Variants in MBNL2 observed in about 807,000 individuals in gnomAD.
The protein encoded by MBNL2 is muscleblind like splicing regulator 2, also known as muscleblind-like protein 2.
In MBNL2, 17 loss-of-function variants were observed where a neutral mutation model predicts 41.9. The ratio of observed to expected loss-of-function variants is 0.41; its 90% CI spans 0.28 to 0.61. The LOEUF is 0.61. MBNL2 is among the 20% of genes least tolerant of loss of function. MBNL2 has a pLI of 0.35. For synonymous variants in MBNL2, 195 were observed against 182.9 expected (o/e 1.07, Z -0.53); for missense variants, 336 against 505.6 (o/e 0.66, Z 3.22).
At chr13:97,221,217 TG>T (rs1398873970), upstream of MBNL2, among the ~76,000 whole-genome samples, 1 of 152,206 alleles carries the variant, frequency 6.6e-6, no homozygotes, top group Non-Finnish European at 1.5e-5. Flanking sequence ...ATAAAGGCTT[TG>T]TTCTGTCTTG....
chr13:97,276,351 C>T lies in MBNL2; in HGVS notation c.116C>T (p.Pro39Leu). 1 of 1,614,002 alleles carries T rather than the reference C, an allele frequency of 6.2e-7. No homozygotes were observed. Among genetic ancestry groups the T allele is most frequent in the Non-Finnish European group, 8.5e-7 (1 of 1,179,940 alleles). The change falls in exon 2 of 9, where the codon CCC becomes CTC. Residue 39 changes from proline (P) to leucine (L), a missense_variant. Transcript: ENST00000679496. Reference protein sequence around the residue: ...RSDEECKFAHPPKSCQVENGR... With the variant: ...RSDEECKFAHLPKSCQVENGR... ...GATGAAGAATGCAAATTTGCTCATC[C>T]CCCCAAAAGTTGTCAGGTTGAAAAT...
At chr13:97,348,916 T>C (rs766235540) in intron 5 of MBNL2, among the ~76,000 whole-genome samples, 7 of 152,210 alleles carry the variant, frequency 4.6e-5, no homozygotes, top group Admixed American at 1.3e-4. Context: ...GTGATAGGGA[T>C]ACAGCGAGAA....
intron 7 of MBNL2, among the ~76,000 whole-genome samples, chr13:97,361,533 C>G (rs1241161163): frequency 8.6e-5 from 13 of 152,024 alleles, no homozygotes; most frequent in Admixed American, 8.5e-4. Context: ...CACTATTAGG[C>G]CACTTAGAGA....
chr13:97,337,624 C>T (rs2060999921), intron 3 of MBNL2, among the ~76,000 whole-genome samples: 1 of 152,240 alleles, frequency 6.6e-6, no homozygotes, highest in East Asian at 1.9e-4. Flanking sequence ...CACATATCCA[C>T]CTTTCTACTG....
At chr13:97,309,318 C>G (rs768638132) in intron 2 of MBNL2, among the ~76,000 whole-genome samples, 5 of 152,172 alleles carry the variant, frequency 3.3e-5, no homozygotes, top group Non-Finnish European at 5.9e-5. Context: ...GAAGTTCAAA[C>G]CACTGTTGTT....
intron 2 of MBNL2, among the ~76,000 whole-genome samples, chr13:97,284,676 C>T (rs1399841768): frequency 6.6e-6 from 1 of 152,184 alleles, no homozygotes; most frequent in East Asian, 1.9e-4. Context: ...AAATTCAACA[C>T]TGTAGTCTAA....
the MBNL2 span, among the ~76,000 whole-genome samples, chr13:97,156,244 G>C: frequency 4.2e-3 from 538 of 127,428 alleles, 11 homozygotes; most frequent in Middle Eastern, 0.021. Context: ...TGATGGGGTT[G>C]TTTGTTTTTT....
chr13:97,255,767 G>T (rs145827690), intron 1 of MBNL2, among the ~76,000 whole-genome samples: 2 of 152,190 alleles, frequency 1.3e-5, no homozygotes, highest in African/African-American at 4.8e-5. Flanking sequence ...ACACAGGAAG[G>T]GGAGGGCTGA....
At chr13:97,342,819 G>T (rs1395066336) in intron 3 of MBNL2, among the ~76,000 whole-genome samples, 197 bp from the exon 4 acceptor site, 2 of 152,132 alleles carry the variant, frequency 1.3e-5, no homozygotes, top group East Asian at 3.8e-4. Context: ...GGTTTTTTAT[G>T]ATGTTCTCTC....
At chr13:97,323,140 G>A (rs1468852786) in intron 2 of MBNL2, among the ~76,000 whole-genome samples, 4 of 152,154 alleles carry the variant, frequency 2.6e-5, no homozygotes, top group South Asian at 4.1e-4. Flanking sequence ...ACAAAATGTC[G>A]GCCTTTAATA....
chr13:97,279,762 A>T (rs1008805788), intron 2 of MBNL2, among the ~76,000 whole-genome samples: 2 of 152,246 alleles, frequency 1.3e-5, no homozygotes, highest in Non-Finnish European at 2.9e-5. Flanking sequence ...TATGTTATTT[A>T]CAAATATGAG....
intron 8 of MBNL2, among the ~76,000 whole-genome samples, chr13:97,370,777 A>C (rs2153133455): frequency 6.6e-6 from 1 of 152,298 alleles, no homozygotes. Context: ...GAAGTAAGAT[A>C]ACCTAAGAAA....
At chr13:97,211,971 A>G in the MBNL2 span, among the ~76,000 whole-genome samples, 34 of 152,246 alleles carry the variant, frequency 2.2e-4, no homozygotes, top group African/African-American at 8.2e-4. Context: ...GGATTTAGGG[A>G]AAGGGGAGAT....
At chr13:97,199,645 G>A in the MBNL2 span, among the ~76,000 whole-genome samples, 4 of 152,324 alleles carry the variant, frequency 2.6e-5, no homozygotes, top group South Asian at 4.1e-4. Flanking sequence ...CTCATCCCTG[G>A]GAAGCCTCTG....
chr13:97,238,457 C>T (rs945496244), intron 1 of MBNL2, among the ~76,000 whole-genome samples: 1 of 152,136 alleles, frequency 6.6e-6, no homozygotes, highest in Non-Finnish European at 1.5e-5. Context: ...AAGGATCATG[C>T]TATTCACTGT....
rs1369349344 is a variant in MBNL2, at chr13:97,392,760, C to T, written c.*1311C>T. ...TTCACATTTTATATGTTGCACATAGCCTATACAGTACCTACATAGTTTTTA... is the reference window on the plus strand; with the variant it reads ...TTCACATTTTATATGTTGCACATAGTCTATACAGTACCTACATAGTTTTTA... On this transcript the variant is annotated 3_prime_UTR_variant, in exon 9 of 9. Transcript: ENST00000679496. 1 of 152,224 alleles carries T rather than the reference C, an allele frequency of 6.6e-6. No homozygotes were observed. Among genetic ancestry groups the T allele is most frequent in the Non-Finnish European group, 1.5e-5 (1 of 67,872 alleles). The allele number at this position is 152,224 out of a possible 1,614,324, so 9.4% of individuals were successfully genotyped here. A position where few individuals can be genotyped will look rare whatever the true frequency, so the allele number is the denominator to read the frequency against.
At chr13:97,152,867 G>A in the MBNL2 span, among the ~76,000 whole-genome samples, 1 of 152,156 alleles carries the variant, frequency 6.6e-6, no homozygotes, top group South Asian at 2.1e-4. Flanking sequence ...GTACAGACAG[G>A]CACCAAGGGA....
At chr13:97,204,180 C>T in the MBNL2 span, among the ~76,000 whole-genome samples, 1 of 152,138 alleles carries the variant, frequency 6.6e-6, no homozygotes. Flanking sequence ...TGGGAGAAAG[C>T]AACCATGTGA....
chr13:97,259,408 C>T (rs548033079), intron 1 of MBNL2, among the ~76,000 whole-genome samples: 59 of 152,296 alleles, frequency 3.9e-4, no homozygotes, highest in African/African-American at 1.3e-3. Flanking sequence ...ACCCCTGCAC[C>T]GACTCCTCAA....
Sources: gnomAD v4.1 joint callset for allele counts (sites outside exome capture counted in the v4.1 genomes callset) on GRCh38, gnomAD v4.1.1 for gene constraint, MANE v1.5 for transcripts, NCBI Gene and HGNC (gene_info 2026-07-23, HGNC 2026-07-21) for gene names.